MTFR1: variants seen among roughly 807,000 people sequenced by gnomAD.
The protein encoded by MTFR1 is mitochondrial fission regulator 1.
Under a neutral mutation model 38.8 loss-of-function variants are expected in MTFR1, and 28 were observed. The observed-to-expected ratio is 0.72, with a 90% CI of 0.53 to 0.99. The LOEUF (loss-of-function observed/expected upper bound fraction) is 0.99. Ranked by LOEUF, MTFR1 falls within the 50% of genes least tolerant of loss-of-function variation. The pLI is 0.00. For synonymous variants in MTFR1, 145 were observed against 137.0 expected (o/e 1.06, Z -0.41); for missense variants, 358 against 395.5 (o/e 0.91, Z 0.81).
intron 3 of MTFR1, among the ~76,000 whole-genome samples, chr8:65,686,467 G>C (rs766710059): frequency 1.3e-5 from 2 of 151,372 alleles, no homozygotes; most frequent in Admixed American, 6.6e-5. Context: ...AGCTACTCAG[G>C]AAGCTGAGGC....
At chr8:65,763,589 T>A (rs1183088153) in intron 3 of MTFR1, among the ~76,000 whole-genome samples, 2 of 152,108 alleles carry the variant, frequency 1.3e-5, no homozygotes, top group Non-Finnish European at 2.9e-5. Flanking sequence ...TTGATTACTC[T>A]TATTGTTATG....
intron 3 of MTFR1, chr8:65,728,130 A>G (rs1806684882): frequency 6.6e-6 from 1 of 152,168 alleles, no homozygotes; most frequent in African/African-American, 2.4e-5. Context: ...TCATCAGAGC[A>G]TGGTATTATT....
downstream of MTFR1, among the ~76,000 whole-genome samples, chr8:65,712,783 A>G (rs942404284): frequency 5.9e-5 from 9 of 152,184 alleles, no homozygotes; most frequent in African/African-American, 2.2e-4. Flanking sequence ...TAAGTCACCT[A>G]GTTTCTGGTT....
chr8:65,760,716 A>T (rs1293261699), intron 3 of MTFR1, among the ~76,000 whole-genome samples: 1 of 152,172 alleles, frequency 6.6e-6, no homozygotes, highest in Non-Finnish European at 1.5e-5. Context: ...TCACACAGAC[A>T]CTGTTTTCCT....
downstream of MTFR1, among the ~76,000 whole-genome samples, chr8:65,712,314 C>A (rs566169744): frequency 6.6e-6 from 1 of 152,276 alleles, no homozygotes; most frequent in South Asian, 2.1e-4. Context: ...CAGATCCCCC[C>A]AACCCCTGCC....
intron 2 of MTFR1, among the ~76,000 whole-genome samples, chr8:65,681,465 A>G (rs1804886045): frequency 6.6e-6 from 1 of 152,226 alleles, no homozygotes; most frequent in South Asian, 2.1e-4. Context: ...TATAATAGTC[A>G]TATAATTCTT....
chr8:65,685,014 A>G (rs1283774486), intron 3 of MTFR1, among the ~76,000 whole-genome samples: 1 of 152,208 alleles, frequency 6.6e-6, no homozygotes, highest in East Asian at 1.9e-4. Context: ...CAAAAAAATA[A>G]AAAGCATTTT....
chr8:65,703,245 C>T (rs563841351), intron 4 of MTFR1, among the ~76,000 whole-genome samples: 1 of 151,688 alleles, frequency 6.6e-6, no homozygotes, highest in South Asian at 2.1e-4. Context: ...ATTAGCCAGG[C>T]ATGGGTGGCA....
intron 3 of MTFR1, among the ~76,000 whole-genome samples, chr8:65,688,098 TA>T (rs546722264): frequency 0.39 from 47,609 of 120,710 alleles, 10,916 homozygotes; most frequent in Non-Finnish European, 0.55. Context: ...AGACTCCGTC[TA>T]AAAAAAAAAA....
At chr8:65,673,579 A>G (rs1285483802) in intron 2 of MTFR1, among the ~76,000 whole-genome samples, 1 of 151,048 alleles carries the variant, frequency 6.6e-6, no homozygotes, top group Non-Finnish European at 1.5e-5. Context: ...CGTTCTGCAC[A>G]TGTATCCCAG....
At chr8:65,669,821 A>T in intron 1 of MTFR1, 52 bp from the exon 2 acceptor site, 5 of 792,726 alleles carry the variant, frequency 6.3e-6, no homozygotes, top group Non-Finnish European at 1.1e-5. Context: ...TAGACAGTAC[A>T]AATTCTAAAT....
At chr8:65,747,843 AATT>A in intron 3 of MTFR1, 1 of 1,361,874 alleles carries the variant, frequency 7.3e-7, no homozygotes, top group Non-Finnish European at 1.0e-6. Flanking sequence ...AGCAAGTTAA[AATT>A]ATACACATGC....
downstream of MTFR1, among the ~76,000 whole-genome samples, chr8:65,771,884 CA>C (rs36101490): frequency 5.1e-3 from 287 of 55,826 alleles, 1 homozygote; most frequent in East Asian, 0.023. Flanking sequence ...CTCCATCTCT[CA>C]AAAAAAAAAA....
intron 3 of MTFR1, chr8:65,724,868 C>G: frequency 6.2e-7 from 1 of 1,610,434 alleles, no homozygotes; most frequent in Non-Finnish European, 8.5e-7. Context: ...CTCATTCTGG[C>G]GACTGATGTC....
chr8:65,653,053 C>T (rs1585740902), intron 1 of MTFR1, among the ~76,000 whole-genome samples: 2 of 152,236 alleles, frequency 1.3e-5, no homozygotes, highest in East Asian at 3.9e-4. Context: ...CAAGAATCAA[C>T]TTTGTATTTA....
chr8:65,671,377 T>A (rs1400202256), intron 2 of MTFR1, among the ~76,000 whole-genome samples: 1 of 151,712 alleles, frequency 6.6e-6, no homozygotes, highest in African/African-American at 2.4e-5. Flanking sequence ...TACAAAAAAT[T>A]TAAAAAATTT....
intron 3 of MTFR1, among the ~76,000 whole-genome samples, chr8:65,770,487 G>A (rs532628591): frequency 4.6e-5 from 7 of 152,246 alleles, no homozygotes; most frequent in African/African-American, 1.7e-4. Context: ...GAACTGCCCT[G>A]ATGATTCAAT....
intron 3 of MTFR1, among the ~76,000 whole-genome samples, chr8:65,691,232 T>G (rs1358510100): frequency 6.6e-6 from 1 of 152,190 alleles, no homozygotes; most frequent in Non-Finnish European, 1.5e-5. Flanking sequence ...GAAAGCCTTT[T>G]TATCATAATT....
chr8:65,759,266 T>C (rs1363018790), intron 3 of MTFR1, among the ~76,000 whole-genome samples: 2 of 151,946 alleles, frequency 1.3e-5, no homozygotes, highest in Admixed American at 1.3e-4. Context: ...AAAATGGGGG[T>C]GAGGGGCTCA....
Sources: allele counts gnomAD v4.1 joint callset (sites outside exome capture counted in the v4.1 genomes callset), GRCh38; gene constraint gnomAD v4.1.1; transcripts MANE v1.5; gene names NCBI Gene and HGNC (gene_info 2026-07-23, HGNC 2026-07-21).